LYZL1: variants seen among roughly 807,000 people sequenced by gnomAD.
LYZL1 encodes lysozyme like 1.
In LYZL1, 16 loss-of-function variants were observed where a neutral mutation model predicts 17.9. The ratio of observed to expected loss-of-function variants is 0.90; its 90% CI spans 0.61 to 1.36. The LOEUF is 1.36. Ranked by LOEUF, LYZL1 falls within the 40% of genes most tolerant of loss-of-function variation. The pLI is 0.00. For synonymous variants in LYZL1, 58 were observed against 71.8 expected (o/e 0.81, Z 0.97); for missense variants, 149 against 188.4 (o/e 0.79, Z 1.22).
At chr10:29,305,944 A>G (rs1835582712) in intron 3 of LYZL1, among the ~76,000 whole-genome samples, 1 of 152,236 alleles carries the variant, frequency 6.6e-6, no homozygotes, top group African/African-American at 2.4e-5. Context: ...TGGTATTACA[A>G]TGTTCTACTG....
At chr10:29,309,707 G>A (rs1211248498) in intron 3 of LYZL1, among the ~76,000 whole-genome samples, 1 of 152,088 alleles carries the variant, frequency 6.6e-6, no homozygotes, top group Non-Finnish European at 1.5e-5. Flanking sequence ...CGTTGCCCAG[G>A]CTGGACTCAA....
chr10:29,305,094 T>C (rs1835573170), intron 3 of LYZL1, among the ~76,000 whole-genome samples: 4 of 152,280 alleles, frequency 2.6e-5, no homozygotes, highest in South Asian at 4.1e-4. Context: ...CTATGTATTA[T>C]ATAATCTGTG....
rs1258865720 is a variant in LYZL1 at position 29,316,766 on chromosome 10, G to C, written c.*-544G>C. 2.1e-5 allele frequency among the ~76,000 whole-genome samples: 3 copies of C among 142,480 alleles called. No homozygotes were observed. In the East Asian group the frequency reaches 6.2e-4, roughly 30 times the overall value. The allele number at this position is 142,480 out of a possible 152,430, so 93.5% of individuals were successfully genotyped here. A position where few individuals can be genotyped will look rare whatever the true frequency, so the allele number is the denominator to read the frequency against. ...CTTACTCTGTCACCAGGCTAGGCTA[G>C]AGTGCAGTGGCGTGATCTTGGCTCA... On this transcript the variant is annotated intron_variant and NMD_transcript_variant, in intron 3 of 4. Transcript: ENST00000494304.
chr10:29,309,349 AAAAAC>A lies in LYZL1; in HGVS notation c.299-745_299-741del, dbSNP rs551140904. ...GTCTCACAAAAACAAAAACAAAAAC[AAAAAC>A]AAAACAAAACAAAACCCTGGATAAA... On this transcript the variant is annotated intron_variant, in intron 3 of 4. Coordinates refer to ENST00000649382, the MANE Select transcript of LYZL1 (RefSeq NM_032517.6). Among the ~76,000 whole-genome samples, 161 of 152,100 alleles carry A rather than the reference AAAAAC, an allele frequency of 1.1e-3. 1 individual carries two copies. Among genetic ancestry groups the A allele is most frequent in the Middle Eastern group, 3.4e-3 (1 of 294 alleles).
rs138642353 is a variant in LYZL1, at chr10:29,289,092, G to C, written c.-164G>C. ...GCTAGGAAAGGATTACTCGCGCCTC[G>C]TTAGAATCAGACATGGCTTCAGGGG... On this transcript the variant is annotated 5_prime_UTR_variant, in exon 1 of 5. Coordinates refer to ENST00000649382, the MANE Select transcript of LYZL1 (RefSeq NM_032517.6). 6.5e-7 allele frequency: 1 copy of C among 1,546,266 alleles called. No homozygotes were observed. The highest frequency in any genetic ancestry group is 2.0e-5 in the Admixed American group (1 of 50,632).
chr10:29,292,201 C>T (rs562824345), intron 2 of LYZL1, among the ~76,000 whole-genome samples, 195 bp downstream of exon 2: 3 of 150,382 alleles, frequency 2.0e-5, no homozygotes, highest in Admixed American at 6.7e-5. Flanking sequence ...TTTCCTTATT[C>T]CTGGAGTCCT....
At chr10:29,306,712 T>C (rs1835599652) in intron 3 of LYZL1, among the ~76,000 whole-genome samples, 1 of 152,052 alleles carries the variant, frequency 6.6e-6, no homozygotes, top group Non-Finnish European at 1.5e-5. Flanking sequence ...AATAACATGA[T>C]AATTTTATTT....
rs562622536 is a variant in LYZL1 at position 29,310,103 on chromosome 10, T to A, written c.299-7T>A. ...CGCCTAACCCTGATGTCTTCTCTCT[T>A]TTACAGCCTTGATCACTGATGACCT... On this transcript the variant is annotated splice_region_variant and splice_polypyrimidine_tract_variant and intron_variant, in intron 3 of 4. Coordinates refer to ENST00000649382, the MANE Select transcript of LYZL1 (RefSeq NM_032517.6). The A allele has an allele frequency of 1.2e-6, 2 of 1,606,422 alleles. No homozygotes were observed. Among genetic ancestry groups the A allele is most frequent in the South Asian group, 1.1e-5 (1 of 90,624 alleles).
chr10:29,318,208 C>T (rs16930166), exon 5 of LYZL1: 17,300 of 984,822 alleles, frequency 0.018, 307 homozygotes, highest in South Asian at 0.074. Context: ...AGCTAGATTT[C>T]CCTGCCTGCT....
chr10:29,305,005 T>C (rs1835572125), intron 3 of LYZL1, among the ~76,000 whole-genome samples: 1 of 152,160 alleles, frequency 6.6e-6, no homozygotes, highest in Admixed American at 6.5e-5. Context: ...CTGCCCCTAG[T>C]ACAAAATGTG....
chr10:29,313,185 C>A (rs928874325), downstream of LYZL1, among the ~76,000 whole-genome samples: 1 of 152,056 alleles, frequency 6.6e-6, no homozygotes, highest in African/African-American at 2.4e-5. Context: ...GCATTATAAA[C>A]CCTGAGGGAA....
chr10:29,311,311 A>G (rs16930144), downstream of LYZL1: 74,777 of 1,214,234 alleles, frequency 0.062, 2,586 homozygotes, highest in South Asian at 0.13. Context: ...AGCCTTGGAA[A>G]AAACAAAGCT....
In LYZL1 at chr10:29,309,994, T is replaced by C. The variant is rs921304038; in HGVS notation, c.299-116T>C. 8.7e-6 allele frequency: 6 copies of C among 685,986 alleles called. No homozygotes were observed. The African/African-American group carries it at 1.1e-4, about 12-fold the overall frequency. The allele number at this position is 685,986 out of a possible 1,614,324, so 42.5% of individuals were successfully genotyped here. The stretch of plus-strand genomic sequence containing the variant: ...GATTGTGGCTTTGCAGGCAAAATCA[T>C]AGTTCTTCCAACCCTCTTGATCCAA... On this transcript the variant is annotated intron_variant, in intron 3 of 4. Coordinates refer to ENST00000649382, the MANE Select transcript of LYZL1 (RefSeq NM_032517.6).
chr10:29,298,633 A>AT (rs1222460429), intron 3 of LYZL1, among the ~76,000 whole-genome samples: 1 of 152,172 alleles, frequency 6.6e-6, no homozygotes, highest in Non-Finnish European at 1.5e-5. Context: ...AACTAAAACA[A>AT]TAAAGAGGAA....
At chr10:29,292,412 T>C (rs1320679657) in intron 2 of LYZL1, 107 bp from the exon 3 acceptor site, 12 of 1,513,636 alleles carry the variant, frequency 7.9e-6, no homozygotes, top group Non-Finnish European at 1.1e-5. Flanking sequence ...CAAGGTGTAT[T>C]GGGAGGAAGC....
At chr10:29,306,796 A>ATGTATGTGTGTG (rs1256883213) in intron 3 of LYZL1, among the ~76,000 whole-genome samples, 8 of 141,086 alleles carry the variant, frequency 5.7e-5, no homozygotes, top group Admixed American at 3.6e-4. Context: ...CCGCTTATGT[A>ATGTATGTGTGTG]TGTGTGTGTG....
At chr10:29,304,916 G>A (rs534011049) in intron 3 of LYZL1, among the ~76,000 whole-genome samples, 1 of 152,154 alleles carries the variant, frequency 6.6e-6, no homozygotes, top group Non-Finnish European at 1.5e-5. Flanking sequence ...ACAAACAACT[G>A]TACTCGGTGT....
chr10:29,293,107 C>CTTTTT (rs200422181), intron 3 of LYZL1, among the ~76,000 whole-genome samples: 4 of 124,286 alleles, frequency 3.2e-5, no homozygotes, highest in African/African-American at 2.8e-5. Flanking sequence ...TCTTTTCTTT[C>CTTTTT]TTTTTTTTTC....
intron 3 of LYZL1, among the ~76,000 whole-genome samples, chr10:29,297,072 G>C (rs984130484): frequency 7.5e-6 from 1 of 133,848 alleles, no homozygotes; most frequent in Non-Finnish European, 1.6e-5. Flanking sequence ...AACAAAGCAA[G>C]ATGCTTTTTT....
Sources: gnomAD v4.1 joint callset for allele counts (sites outside exome capture counted in the v4.1 genomes callset) on GRCh38, gnomAD v4.1.1 for gene constraint, MANE v1.5 for transcripts, NCBI Gene and HGNC (gene_info 2026-07-23, HGNC 2026-07-21) for gene names.